The following SPATS2 variants were observed in gnomAD, a reference collection of about 807,000 sequenced individuals.
SPATS2 encodes the protein spermatogenesis-associated serine-rich protein 2.
Under a neutral mutation model 63.7 loss-of-function variants are expected in SPATS2, and 38 were observed. The observed-to-expected ratio is 0.60, with a 90% confidence interval of 0.46 to 0.78. The LOEUF (loss-of-function observed/expected upper bound fraction) is 0.78, where lower values mean the gene tolerates loss of function less well. Ranked by LOEUF, SPATS2 falls within the 30% of genes least tolerant of loss-of-function variation. The pLI, the probability that SPATS2 is intolerant of heterozygous loss-of-function variation, is 0.00. For missense variants in SPATS2, 588 were observed against 666.2 expected, an observed-to-expected ratio of 0.88 and a Z score of 1.29; for synonymous variants, 207 against 232.9, an observed-to-expected ratio of 0.89 and a Z score of 1.01.
intron 9 of SPATS2, chr12:49,512,724 T>G (rs926801929): frequency 7.2e-6 from 3 of 414,408 alleles, no homozygotes; most frequent in Non-Finnish European, 1.2e-5. Flanking sequence ...TTTTACAAGC[T>G]TTGTCAGAGA....
At chr12:49,494,710 C>CT in intron 6 of SPATS2, 31 bp from the exon 7 acceptor site, 1 of 1,478,878 alleles carries the variant, frequency 6.8e-7, no homozygotes. Context: ...TCTTTCTTTT[C>CT]TTTTCTTTTT....
chr12:49,456,052 G>A (rs1039293696), intron 2 of SPATS2, among the ~76,000 whole-genome samples: 5 of 152,154 alleles, frequency 3.3e-5, no homozygotes, highest in Admixed American at 1.3e-4. Context: ...CCAAGAAAGC[G>A]AACTGTTACT....
chr12:49,452,436 C>T (rs1469141953), intron 2 of SPATS2, among the ~76,000 whole-genome samples: 2 of 152,188 alleles, frequency 1.3e-5, no homozygotes, highest in Non-Finnish European at 2.9e-5. Flanking sequence ...TGCGCCACCA[C>T]ACCTGGCCGA....
At chr12:49,487,321 T>C (rs1025460098) in intron 4 of SPATS2, among the ~76,000 whole-genome samples, 1 of 152,094 alleles carries the variant, frequency 6.6e-6, no homozygotes, top group Non-Finnish European at 1.5e-5. Context: ...TGAAACCCTA[T>C]CTGTACTAAA....
intron 4 of SPATS2, 117 bp downstream of exon 4, chr12:49,484,786 G>A (rs1301103715): frequency 2.4e-6 from 2 of 830,106 alleles, no homozygotes; most frequent in Non-Finnish European, 3.8e-6. Flanking sequence ...ATAAAACAAT[G>A]CCACTATATA....
At chr12:49,385,874 G>GTTTTTTGTT (rs1555178280) in intron 2 of SPATS2, among the ~76,000 whole-genome samples, 2 of 139,878 alleles carry the variant, frequency 1.4e-5, no homozygotes, top group African/African-American at 2.7e-5. Context: ...TTTGTTTTTT[G>GTTTTTTGTT]TTTTTTTTTT....
At chr12:49,473,337 G>A (rs181861735) in intron 3 of SPATS2, among the ~76,000 whole-genome samples, 1 of 152,172 alleles carries the variant, frequency 6.6e-6, no homozygotes, top group Non-Finnish European at 1.5e-5. Flanking sequence ...AATCACTTGA[G>A]CCCAAGAGGT....
At chr12:49,476,496 CAG>C (rs148623645) in intron 3 of SPATS2, among the ~76,000 whole-genome samples, 2,527 of 152,298 alleles carry the variant, frequency 0.017, 17 homozygotes, top group Middle Eastern at 0.027. Context: ...TGTGATAAGA[CAG>C]GGGTCTAATT....
chr12:49,462,188 A>G, intron 3 of SPATS2: 1 of 626,892 alleles, frequency 1.6e-6, no homozygotes, highest in Non-Finnish European at 2.9e-6. Flanking sequence ...CTGTAGAAAA[A>G]AAGTATCATT....
intron 3 of SPATS2, chr12:49,463,087 T>A (rs1489937538): frequency 6.6e-6 from 1 of 152,064 alleles, no homozygotes; most frequent in Non-Finnish European, 1.5e-5. Context: ...ATTTAAATAT[T>A]AACTATAAAA....
intron 2 of SPATS2, among the ~76,000 whole-genome samples, chr12:49,374,958 CAAAAAAAAAA>C (rs10687716): frequency 3.6e-4 from 9 of 24,736 alleles, no homozygotes; most frequent in South Asian, 3.8e-3. Flanking sequence ...GGATCTGTCT[CAAAAAAAAAA>C]AAAAAAAAAA....
Position 49,378,456 on chromosome 12 carries a change from C to A in SPATS2, c.-244+7166C>A, listed in dbSNP as rs1399985292. Among the ~76,000 whole-genome samples, 3 of 151,748 alleles carry A rather than the reference C, an allele frequency of 2.0e-5. No individual in the cohort carries two copies. The East Asian group carries it at 5.8e-4, about 29-fold the overall frequency. On this transcript the variant is annotated intron_variant, in intron 2 of 13. Coordinates refer to ENST00000552918, the MANE Select transcript of SPATS2 (RefSeq NM_023071.4). ...GGGACTACAGGCGCATGCCTCCACG[C>A]CCGGCTAATTTTTTGTATTTTTTAG...
At position 49,519,201 on chromosome 12, in the gene SPATS2, T is replaced by G; in HGVS notation, c.1008+19T>G. 6.3e-7 allele frequency: 1 copy of G among 1,595,040 alleles called. No homozygotes were observed. Among genetic ancestry groups the G allele is most frequent in the Non-Finnish European group, 8.6e-7 (1 of 1,166,330 alleles). ...TATCAAGGTAAAACTTCTTTCTGCT[T>G]TCTGCCTTTCTTCTTATCCTCAGGG... is the stretch of plus-strand genomic sequence containing the variant. On this transcript the variant is annotated intron_variant, in intron 11 of 13. Coordinates refer to ENST00000552918, the MANE Select transcript of SPATS2 (RefSeq NM_023071.4).
intron 3 of SPATS2, among the ~76,000 whole-genome samples, chr12:49,472,129 C>T (rs1050398032): frequency 6.6e-6 from 1 of 151,954 alleles, no homozygotes; most frequent in Non-Finnish European, 1.5e-5. Context: ...CAGAGCAAGA[C>T]TCTTTGTCTC....
intron 2 of SPATS2, chr12:49,454,458 T>G (rs1455663699): frequency 6.6e-6 from 1 of 152,224 alleles, no homozygotes; most frequent in Non-Finnish European, 1.5e-5. Flanking sequence ...AAAACTCACT[T>G]AAAGTCTTTC....
chr12:49,374,609 A>C (rs929810465), intron 2 of SPATS2, among the ~76,000 whole-genome samples: 1 of 152,156 alleles, frequency 6.6e-6, no homozygotes, highest in African/African-American at 2.4e-5. Flanking sequence ...CTGAGGATAT[A>C]GATGTTACTT....
At chr12:49,406,514 C>T (rs1227103228) in intron 2 of SPATS2, 3 of 152,438 alleles carry the variant, frequency 2.0e-5, no homozygotes. Flanking sequence ...TTTTGAACTC[C>T]TGGCTTCAAG....
chr12:49,507,829 C>G (rs995805671), intron 9 of SPATS2, among the ~76,000 whole-genome samples: 4 of 152,106 alleles, frequency 2.6e-5, no homozygotes, highest in African/African-American at 9.7e-5. Context: ...TAATGATTTA[C>G]CGGTTAATAC....
At chr12:49,470,668 A>T (rs568854039) in intron 3 of SPATS2, among the ~76,000 whole-genome samples, 1 of 152,184 alleles carries the variant, frequency 6.6e-6, no homozygotes, top group African/African-American at 2.4e-5. Flanking sequence ...CTGCCTAGTG[A>T]TAATCATGCC....
Sources: allele counts gnomAD v4.1 joint callset (sites outside exome capture counted in the v4.1 genomes callset), GRCh38; gene constraint gnomAD v4.1.1; transcripts MANE v1.5; gene names NCBI Gene and HGNC (gene_info 2026-07-23, HGNC 2026-07-21).